OR56A3: variants seen among roughly 807,000 people sequenced by gnomAD.
The protein encoded by OR56A3 is olfactory receptor 56A3.
Under a neutral mutation model 17.5 loss-of-function variants are expected in OR56A3, and 23 were observed. That is an observed-to-expected ratio of 1.32 (90% CI 0.95 to 1.87). OR56A3 has a LOEUF of 1.87. OR56A3 is among the 40% of genes most tolerant of loss of function. OR56A3 has a pLI of 0.00. For missense variants in OR56A3, 366 were observed against 380.1 expected (o/e 0.96, Z 0.31); for synonymous variants, 175 against 150.6 (o/e 1.16, Z -1.19).
chr11:5,963,692 C>A, the OR56A3 span, among the ~76,000 whole-genome samples: 4 of 152,166 alleles, frequency 2.6e-5, no homozygotes, highest in East Asian at 7.7e-4. Flanking sequence ...TGTATTGAAT[C>A]TCATTGGTGA....
the OR56A3 span, among the ~76,000 whole-genome samples, chr11:5,989,488 A>G: frequency 0.75 from 113,841 of 152,154 alleles, 42,983 homozygotes; most frequent in East Asian, 0.88. Context: ...AATAAGCGGA[A>G]AAGCAGAGAC....
the OR56A3 span, among the ~76,000 whole-genome samples, chr11:5,966,472 G>A: frequency 6.6e-6 from 1 of 152,080 alleles, no homozygotes; most frequent in Non-Finnish European, 1.5e-5. Context: ...ATTCCGAAAT[G>A]ATTCAAAAAT....
chr11:5,983,895 C>T, the OR56A3 span, among the ~76,000 whole-genome samples: 214 of 152,264 alleles, frequency 1.4e-3, no homozygotes, highest in South Asian at 6.4e-3. Context: ...TATTTAAATA[C>T]CATAGCCTAA....
At chr11:5,952,636 GAAAT>G (rs771846388), downstream of OR56A3, among the ~76,000 whole-genome samples, 6 of 149,672 alleles carry the variant, frequency 4.0e-5, no homozygotes, top group Non-Finnish European at 7.5e-5. Flanking sequence ...ATTCTAGTGA[GAAAT>G]AAATAATAAA....
chr11:5,956,236 T>G, downstream of OR56A3, among the ~76,000 whole-genome samples: 1 of 152,386 alleles, frequency 6.6e-6, no homozygotes, highest in East Asian at 1.9e-4. Flanking sequence ...CAGAAGATTA[T>G]GATGTTAGTT....
chr11:5,982,394 G>A, the OR56A3 span, among the ~76,000 whole-genome samples: 3 of 152,076 alleles, frequency 2.0e-5, no homozygotes, highest in South Asian at 2.1e-4. Flanking sequence ...AGCAGGGGTC[G>A]GGGGGCTTCT....
chr11:5,961,446 A>G, the OR56A3 span, among the ~76,000 whole-genome samples: 3 of 152,030 alleles, frequency 2.0e-5, no homozygotes, highest in Non-Finnish European at 2.9e-5. Context: ...CTATGACCTT[A>G]CCCCCAACCC....
At chr11:5,972,200 C>A in the OR56A3 span, among the ~76,000 whole-genome samples, 1 of 152,154 alleles carries the variant, frequency 6.6e-6, no homozygotes, top group Non-Finnish European at 1.5e-5. Flanking sequence ...TATTTCTGGG[C>A]ACACATGCAT....
chr11:6,014,549 T>C, the OR56A3 span, among the ~76,000 whole-genome samples: 1 of 152,198 alleles, frequency 6.6e-6, no homozygotes, highest in South Asian at 2.1e-4. Context: ...CTGTTATGCT[T>C]CCTGTACAGC....
chr11:6,007,043 TATTAGGCACCTGG>T, the OR56A3 span: 4 of 152,182 alleles, frequency 2.6e-5, no homozygotes, highest in Non-Finnish European at 5.9e-5. Context: ...TTAGTGCCAT[TATTAGGCACCTGG>T]ATCCTGGGGC....
chr11:5,985,633 C>T, the OR56A3 span, among the ~76,000 whole-genome samples: 3 of 152,218 alleles, frequency 2.0e-5, no homozygotes, highest in South Asian at 2.1e-4. Flanking sequence ...TGGGCAAAGG[C>T]GAGAAAGATG....
the OR56A3 span, among the ~76,000 whole-genome samples, chr11:5,984,844 C>A: frequency 2.6e-5 from 4 of 152,140 alleles, no homozygotes; most frequent in Non-Finnish European, 4.4e-5. Flanking sequence ...TCTTATCTCC[C>A]GAGCATCTTA....
At chr11:5,953,523 T>C (rs1847918769), downstream of OR56A3, among the ~76,000 whole-genome samples, 1 of 152,170 alleles carries the variant, frequency 6.6e-6, no homozygotes. Context: ...TACTCTAGCA[T>C]TCCTAGGTTA....
chr11:5,959,645 T>C, the OR56A3 span, among the ~76,000 whole-genome samples: 1 of 152,214 alleles, frequency 6.6e-6, no homozygotes, highest in Admixed American at 6.5e-5. Context: ...ATTGATTGCT[T>C]TCTTTGCTGT....
chr11:5,968,183 C>A, the OR56A3 span: 3 of 1,614,186 alleles, frequency 1.9e-6, no homozygotes, highest in Non-Finnish European at 2.5e-6. Flanking sequence ...TCATGATGAA[C>A]ACCTGAAGGA....
chr11:6,002,296 C>T, the OR56A3 span: 1 of 1,614,180 alleles, frequency 6.2e-7, no homozygotes, highest in Non-Finnish European at 8.5e-7. Flanking sequence ...GCACCCTCGG[C>T]CTTGATCCTA....
At chr11:5,974,554 G>A in the OR56A3 span, among the ~76,000 whole-genome samples, 2 of 152,184 alleles carry the variant, frequency 1.3e-5, no homozygotes, top group Non-Finnish European at 2.9e-5. Context: ...ACATATTGAT[G>A]AGAATGTGGA....
chr11:5,962,663 C>T, the OR56A3 span, among the ~76,000 whole-genome samples: 3 of 151,854 alleles, frequency 2.0e-5, no homozygotes, highest in East Asian at 1.9e-4. Context: ...CTCAGCCTCC[C>T]GAGTAGCTGG....
chr11:6,005,400 C>T, the OR56A3 span, among the ~76,000 whole-genome samples: 2 of 152,148 alleles, frequency 1.3e-5, no homozygotes, highest in African/African-American at 2.4e-5. Flanking sequence ...ATCCCAAGTT[C>T]TTTGGGGAAA....
Sources: gnomAD v4.1 joint callset for allele counts (sites outside exome capture counted in the v4.1 genomes callset) on GRCh38, gnomAD v4.1.1 for gene constraint, MANE v1.5 for transcripts, NCBI Gene and HGNC (gene_info 2026-07-23, HGNC 2026-07-21) for gene names.